Variants in ANO6 observed in about 807,000 individuals in gnomAD.
ANO6 encodes anoctamin 6.
In ANO6, 106 loss-of-function variants were observed where a neutral mutation model predicts 117.5. The observed-to-expected ratio is 0.90, with a 90% CI of 0.77 to 1.06. ANO6 has a LOEUF of 1.06. Among genes scored for constraint, ANO6 ranks in the 50% least tolerant of loss-of-function variants. ANO6 has a pLI of 0.00. For missense variants in ANO6, 955 were observed against 1,121.1 expected (o/e 0.85, Z 2.12); for synonymous variants, 367 against 385.1 (o/e 0.95, Z 0.55).
intron 2 of ANO6, among the ~76,000 whole-genome samples, chr12:45,327,823 GTA>G (rs1221612458): frequency 1.3e-5 from 2 of 151,754 alleles, no homozygotes; most frequent in Admixed American, 6.6e-5. Context: ...TTTGTGTTGA[GTA>G]TATATTTTAT....
At position 45,432,237 on chromosome 12, in the gene ANO6, TG is replaced by T; in HGVS notation, c.*2927del. ...CATAAGATGTAAAGTTTGTAATTAA[TG>T]TTAATTTCTGTGCATTTTAATATTC... On this transcript the variant is annotated 3_prime_UTR_variant, in exon 20 of 20. Coordinates refer to ENST00000320560, the MANE Select transcript of ANO6 (RefSeq NM_001025356.3). 4 of 970,896 alleles carry T rather than the reference TG, an allele frequency of 4.1e-6. No individual in the cohort carries two copies. The highest frequency in any genetic ancestry group is 4.9e-6 in the Non-Finnish European group (4 of 817,654). 60.1% of individuals were successfully genotyped at this position (970,896 alleles called of 1,614,324 possible).
chr12:45,290,406 G>A (rs1414312377), intron 1 of ANO6, among the ~76,000 whole-genome samples: 1 of 152,150 alleles, frequency 6.6e-6, no homozygotes, highest in African/African-American at 2.4e-5. Context: ...GAATTTAAAA[G>A]TGGTGTCTTC....
chr12:45,403,602 C>A (rs1052535778), intron 15 of ANO6, 66 bp downstream of exon 15: 53 of 1,329,658 alleles, frequency 4.0e-5, no homozygotes, highest in Admixed American at 6.8e-5. Context: ...CCACACAAAT[C>A]ATTTGCCTAC....
Position 45,292,901 on chromosome 12 carries a change from C to G in ANO6, c.71-9113C>G, listed in dbSNP as rs564714304. 22 of 1,551,260 alleles carry G rather than the reference C, an allele frequency of 1.4e-5. No individual in the cohort carries two copies. In the Admixed American group the frequency reaches 2.2e-4, roughly 15 times the overall value. ...GGACTCACCGAATTGTCCATTCCCC[C>G]TTTTGTTCTGCTGTGGAATGTTTTG... On this transcript the variant is annotated intron_variant, in intron 1 of 19. Transcript: ENST00000320560.
intron 1 of ANO6, among the ~76,000 whole-genome samples, chr12:45,296,955 T>TA (rs1354528066): frequency 6.6e-6 from 1 of 152,202 alleles, no homozygotes; most frequent in African/African-American, 2.4e-5. Flanking sequence ...TATTTTTTTT[T>TA]AACAACATGC....
intron 1 of ANO6, among the ~76,000 whole-genome samples, chr12:45,219,189 A>C (rs1008823221): frequency 1.3e-5 from 2 of 152,090 alleles, no homozygotes; most frequent in African/African-American, 2.4e-5. Flanking sequence ...CCTCCCCCCA[A>C]AAAAAAACTT....
intron 10 of ANO6, among the ~76,000 whole-genome samples, chr12:45,387,684 A>T (rs1055740787): frequency 3.3e-5 from 5 of 152,014 alleles, no homozygotes; most frequent in Non-Finnish European, 7.4e-5. Context: ...TTTAGATTTG[A>T]TTTGCCATAT....
chr12:45,370,256 T>C (rs1462510070), intron 9 of ANO6, among the ~76,000 whole-genome samples: 3 of 152,226 alleles, frequency 2.0e-5, no homozygotes, highest in Admixed American at 6.5e-5. Context: ...TCTTATTCTT[T>C]CTCAAGCGTC....
intron 7 of ANO6, among the ~76,000 whole-genome samples, chr12:45,351,556 T>A (rs936358382): frequency 6.6e-6 from 1 of 151,966 alleles, no homozygotes; most frequent in East Asian, 1.9e-4. Flanking sequence ...AGCAATAGGA[T>A]GGGAGGGCAG....
intron 12 of ANO6, among the ~76,000 whole-genome samples, chr12:45,396,664 C>T (rs1297890788): frequency 6.6e-6 from 1 of 152,132 alleles, no homozygotes; most frequent in African/African-American, 2.4e-5. Context: ...AGAACGGAGG[C>T]CTCAGAAATA....
At chr12:45,328,057 G>A (rs1940531865) in intron 2 of ANO6, among the ~76,000 whole-genome samples, 1 of 152,010 alleles carries the variant, frequency 6.6e-6, no homozygotes, top group African/African-American at 2.4e-5. Context: ...GGATGTTCTT[G>A]GAACATCCTG....
At chr12:45,256,346 T>G (rs1007269864) in intron 1 of ANO6, 1 of 152,206 alleles carries the variant, frequency 6.6e-6, no homozygotes, top group Non-Finnish European at 1.5e-5. Flanking sequence ...CATTTACGTA[T>G]GGCAGTGCAG....
chr12:45,375,564 A>G (rs555280387), intron 9 of ANO6, among the ~76,000 whole-genome samples: 122 of 152,330 alleles, frequency 8.0e-4, no homozygotes, highest in East Asian at 2.7e-3. Flanking sequence ...ATCTACAACC[A>G]TCTGATCTTT....
chr12:45,330,904 A>C (rs898778285), intron 2 of ANO6, among the ~76,000 whole-genome samples: 2 of 152,054 alleles, frequency 1.3e-5, no homozygotes, highest in African/African-American at 2.4e-5. Flanking sequence ...TTTCATCAAC[A>C]GTGCTTTGTC....
chr12:45,392,417 C>T (rs2137589881), intron 12 of ANO6, among the ~76,000 whole-genome samples: 2 of 152,376 alleles, frequency 1.3e-5, no homozygotes, highest in Middle Eastern at 6.8e-3. Flanking sequence ...CCTCTGTGGG[C>T]AGGGCATAGC....
chr12:45,277,075 G>A (rs559924152), intron 1 of ANO6, among the ~76,000 whole-genome samples: 3 of 151,936 alleles, frequency 2.0e-5, no homozygotes, highest in Admixed American at 6.6e-5. Context: ...TCAGTTTTAG[G>A]CATTATCTAT....
chr12:45,366,115 GT>G (rs5797942), intron 8 of ANO6, among the ~76,000 whole-genome samples: 69,571 of 134,468 alleles, frequency 0.52, 17,134 homozygotes, highest in African/African-American at 0.62. Flanking sequence ...TGTTACTTGG[GT>G]TTTTTTTTTT....
chr12:45,359,959 T>A (rs1208934901), intron 8 of ANO6, among the ~76,000 whole-genome samples: 3 of 152,254 alleles, frequency 2.0e-5, no homozygotes, highest in African/African-American at 7.2e-5. Context: ...ATTGCCATTC[T>A]AGTTGGTATG....
intron 9 of ANO6, among the ~76,000 whole-genome samples, chr12:45,368,827 C>A (rs1941750782): frequency 6.6e-6 from 1 of 152,126 alleles, no homozygotes; most frequent in Admixed American, 6.5e-5. Flanking sequence ...CTTTCTATAT[C>A]ATACTTTGCA....
Sources: allele counts gnomAD v4.1 joint callset (sites outside exome capture counted in the v4.1 genomes callset), GRCh38; gene constraint gnomAD v4.1.1; transcripts MANE v1.5; gene names NCBI Gene and HGNC (gene_info 2026-07-23, HGNC 2026-07-21).